The following ROBO2 variants were observed in gnomAD, a reference collection of about 807,000 sequenced individuals.
ROBO2 encodes the protein roundabout guidance receptor 2, also known as roundabout homolog 2.
ROBO2 carries 53 observed loss-of-function variants against 160.8 expected under a neutral mutation model. The ratio of observed to expected loss-of-function variants is 0.33; its 90% CI spans 0.26 to 0.41. ROBO2 has a LOEUF of 0.41. Ranked by LOEUF, ROBO2 falls within the 10% of genes least tolerant of loss-of-function variation. The pLI is 1.00. For synonymous variants in ROBO2, 664 were observed against 611.7 expected (o/e 1.09, Z -1.26); for missense variants, 1,577 against 1,722.4 (o/e 0.92, Z 1.49).
intron 2 of ROBO2, among the ~76,000 whole-genome samples, chr3:76,069,541 T>A (rs1430211656): frequency 6.8e-6 from 1 of 146,350 alleles, no homozygotes; most frequent in Non-Finnish European, 1.5e-5. Context: ...TTTTTTTTCC[T>A]GAAAGAAATA....
chr3:76,721,962 G>A (rs2093473265), intron 2 of ROBO2, among the ~76,000 whole-genome samples: 1 of 152,188 alleles, frequency 6.6e-6, no homozygotes, highest in Non-Finnish European at 1.5e-5. Flanking sequence ...TCATTCTGCT[G>A]TCTGCCATGA....
At chr3:76,309,042 GC>G (rs2071450602) in intron 2 of ROBO2, among the ~76,000 whole-genome samples, 1 of 151,994 alleles carries the variant, frequency 6.6e-6, no homozygotes, top group Non-Finnish European at 1.5e-5. Flanking sequence ...CTGCCAAAGG[GC>G]CAAGACATTT....
At chr3:76,869,345 T>C (rs1318722197) in intron 2 of ROBO2, among the ~76,000 whole-genome samples, 2 of 128,668 alleles carry the variant, frequency 1.6e-5, no homozygotes. Flanking sequence ...AATTGATGTT[T>C]TTTTTTTTTT....
At chr3:77,216,766 T>C (rs1455735148) in intron 2 of ROBO2, among the ~76,000 whole-genome samples, 2 of 152,254 alleles carry the variant, frequency 1.3e-5, no homozygotes, top group Non-Finnish European at 2.9e-5. Context: ...AGTAATTTAA[T>C]ATTAAGCTAC....
chr3:77,482,135 A>G (rs909547764), intron 4 of ROBO2, among the ~76,000 whole-genome samples: 1 of 152,170 alleles, frequency 6.6e-6, no homozygotes, highest in Non-Finnish European at 1.5e-5. Flanking sequence ...GTATATATAC[A>G]ATCTTCATTA....
intron 2 of ROBO2, among the ~76,000 whole-genome samples, chr3:76,339,934 T>G (rs539623573): frequency 6.6e-6 from 1 of 152,086 alleles, no homozygotes; most frequent in Non-Finnish European, 1.5e-5. Context: ...CTACATATAA[T>G]CTGGGGGAAT....
intron 2 of ROBO2, among the ~76,000 whole-genome samples, chr3:76,324,605 ATG>A (rs2072855162): frequency 6.6e-6 from 1 of 151,492 alleles, no homozygotes; most frequent in Non-Finnish European, 1.5e-5. Flanking sequence ...GATTCAAAAC[ATG>A]TTTAAGATCC....
intron 2 of ROBO2, among the ~76,000 whole-genome samples, chr3:76,537,710 A>G (rs1245980684): frequency 6.6e-6 from 1 of 152,134 alleles, no homozygotes; most frequent in Non-Finnish European, 1.5e-5. Flanking sequence ...GACCACCTAC[A>G]CAGGCTTTGT....
chr3:77,006,760 A>G (rs2061601117), intron 2 of ROBO2, among the ~76,000 whole-genome samples: 2 of 152,138 alleles, frequency 1.3e-5, no homozygotes, highest in Admixed American at 1.3e-4. Context: ...AAAGAAGTTT[A>G]AAGTAATATC....
intron 2 of ROBO2, among the ~76,000 whole-genome samples, chr3:77,432,081 C>G (rs2078831012): frequency 6.6e-6 from 1 of 152,124 alleles, no homozygotes; most frequent in Admixed American, 6.6e-5. Flanking sequence ...ATACTCTATG[C>G]CTCTAGCTTT....
At chr3:76,990,942 C>G (rs2060632028) in intron 2 of ROBO2, among the ~76,000 whole-genome samples, 2 of 152,086 alleles carry the variant, frequency 1.3e-5, no homozygotes, top group Admixed American at 6.5e-5. Flanking sequence ...AAGCAGGCAG[C>G]CCACCCCAAC....
intron 2 of ROBO2, among the ~76,000 whole-genome samples, chr3:76,962,904 T>C (rs1459137023): frequency 6.6e-6 from 1 of 152,262 alleles, no homozygotes; most frequent in Non-Finnish European, 1.5e-5. Context: ...TCTGTTCTAC[T>C]TTGTTCTTTA....
At chr3:76,572,659 T>C (rs1403409599) in intron 2 of ROBO2, among the ~76,000 whole-genome samples, 1 of 152,202 alleles carries the variant, frequency 6.6e-6, no homozygotes, top group Non-Finnish European at 1.5e-5. Context: ...TGAGAATGAC[T>C]GCAAAGCTTG....
chr3:77,172,772 A>T (rs1310869358), intron 2 of ROBO2, among the ~76,000 whole-genome samples: 6 of 152,194 alleles, frequency 3.9e-5, no homozygotes, highest in Admixed American at 3.9e-4. Flanking sequence ...CCTTAAACCA[A>T]GGGCTAATTG....
chr3:76,044,361 A>G (rs1300275828), intron 2 of ROBO2, among the ~76,000 whole-genome samples: 1 of 152,050 alleles, frequency 6.6e-6, no homozygotes, highest in African/African-American at 2.4e-5. Context: ...GCAATGTTGA[A>G]TAAAGAGTAT....
At chr3:76,562,124 A>C (rs1253321384) in intron 2 of ROBO2, among the ~76,000 whole-genome samples, 1 of 151,746 alleles carries the variant, frequency 6.6e-6, no homozygotes, top group African/African-American at 2.4e-5. Context: ...GTTTTGGTTA[A>C]GGCAGCCAGA....
At chr3:77,237,973 T>C (rs994597610) in intron 2 of ROBO2, among the ~76,000 whole-genome samples, 1 of 152,212 alleles carries the variant, frequency 6.6e-6, no homozygotes, top group Non-Finnish European at 1.5e-5. Context: ...TTGATTTGCA[T>C]TTACCTGACG....
At chr3:76,737,173 C>G (rs1017573535) in intron 2 of ROBO2, among the ~76,000 whole-genome samples, 1 of 152,096 alleles carries the variant, frequency 6.6e-6, no homozygotes, top group African/African-American at 2.4e-5. Flanking sequence ...GAAATATAAT[C>G]ACTATTTCTA....
At chr3:76,988,987 T>G (rs1027671047) in intron 2 of ROBO2, among the ~76,000 whole-genome samples, 1 of 152,132 alleles carries the variant, frequency 6.6e-6, no homozygotes, top group Non-Finnish European at 1.5e-5. Context: ...AAATCACAGT[T>G]TGTAGAAGAA....
Sources: gnomAD v4.1 joint callset for allele counts (sites outside exome capture counted in the v4.1 genomes callset) on GRCh38, gnomAD v4.1.1 for gene constraint, MANE v1.5 for transcripts, NCBI Gene and HGNC (gene_info 2026-07-23, HGNC 2026-07-21) for gene names.